SGIP1: variants seen among roughly 807,000 people sequenced by gnomAD.
SGIP1 encodes SH3GL interacting endocytic adaptor 1, also known as SH3-containing GRB2-like protein 3-interacting protein 1.
Under a neutral mutation model 107.5 loss-of-function variants are expected in SGIP1, and 38 were observed. The ratio of observed to expected loss-of-function variants is 0.35; its 90% confidence interval spans 0.27 to 0.46. The LOEUF is 0.46. SGIP1 is among the 20% of genes least tolerant of loss of function. The pLI is 1.00. For synonymous variants in SGIP1, 365 were observed against 366.1 expected (o/e 1.00, Z 0.03); for missense variants, 929 against 1,019.5 (o/e 0.91, Z 1.21).
At chr1:66,706,535 A>C (rs2092533428) in intron 18 of SGIP1, among the ~76,000 whole-genome samples, 1 of 150,110 alleles carries the variant, frequency 6.7e-6, no homozygotes, top group African/African-American at 2.4e-5. Flanking sequence ...TCTTTAATAA[A>C]TAAATGTAAA....
chr1:66,607,545 A>T (rs1299299943), intron 1 of SGIP1, among the ~76,000 whole-genome samples: 1 of 152,224 alleles, frequency 6.6e-6, no homozygotes, highest in Admixed American at 6.5e-5. Flanking sequence ...CTCTGTCACT[A>T]AAATAAAAAC....
chr1:66,633,733 G>T (rs1252573027), intron 3 of SGIP1, among the ~76,000 whole-genome samples: 2 of 151,974 alleles, frequency 1.3e-5, no homozygotes, highest in African/African-American at 4.8e-5. Flanking sequence ...AGTCTGCACC[G>T]ACTCCTAAAA....
At chr1:66,643,328 T>C (rs1288771154) in intron 6 of SGIP1, among the ~76,000 whole-genome samples, 1 of 152,186 alleles carries the variant, frequency 6.6e-6, no homozygotes, top group African/African-American at 2.4e-5. Context: ...AAATGTAGGA[T>C]ATTAGAACCA....
intron 18 of SGIP1, among the ~76,000 whole-genome samples, chr1:66,699,549 T>G (rs1326635085): frequency 1.3e-5 from 2 of 152,176 alleles, no homozygotes; most frequent in Admixed American, 6.5e-5. Flanking sequence ...TCCACACCTC[T>G]GGCCACATCC....
intron 7 of SGIP1, among the ~76,000 whole-genome samples, chr1:66,644,930 G>A (rs1437123865): frequency 6.6e-6 from 1 of 152,182 alleles, no homozygotes; most frequent in East Asian, 1.9e-4. Flanking sequence ...AATGGAAGGT[G>A]CAGATTTTAA....
chr1:66,750,467 G>A lies in SGIP1; in HGVS notation c.*7372G>A, dbSNP rs2094609206. 6.6e-6 allele frequency among the ~76,000 whole-genome samples: 1 copy of A among 152,092 alleles called. No homozygotes were observed. The highest frequency in any genetic ancestry group is 2.1e-4 in the South Asian group (1 of 4,820). ...AAAATGCTGTGTGTAATTTGATTTG[G>A]TGGTAGCCTTTATTTAGAGCTCTCT... On this transcript the variant is annotated 3_prime_UTR_variant, in exon 25 of 25. Coordinates refer to ENST00000371037, the MANE Select transcript of SGIP1 (RefSeq NM_032291.4).
intron 1 of SGIP1, among the ~76,000 whole-genome samples, chr1:66,587,494 G>C (rs1372693095): frequency 6.6e-6 from 1 of 151,872 alleles, no homozygotes; most frequent in South Asian, 2.1e-4. Flanking sequence ...ATATTATTCA[G>C]ATGAAATAAA....
At chr1:66,669,095 G>A (rs2083215494) in intron 9 of SGIP1, among the ~76,000 whole-genome samples, 1 of 152,150 alleles carries the variant, frequency 6.6e-6, no homozygotes, top group Admixed American at 6.5e-5. Context: ...TTTCTAAATT[G>A]ATACTAGCTT....
At chr1:66,554,439 T>C (rs1157063618) in intron 1 of SGIP1, among the ~76,000 whole-genome samples, 1 of 152,178 alleles carries the variant, frequency 6.6e-6, no homozygotes, top group Non-Finnish European at 1.5e-5. Flanking sequence ...TGGTATAACA[T>C]GATGAGCATC....
intron 1 of SGIP1, among the ~76,000 whole-genome samples, chr1:66,573,558 C>G (rs900898206): frequency 4.6e-5 from 7 of 152,126 alleles, no homozygotes; most frequent in Non-Finnish European, 7.3e-5. Flanking sequence ...TACATATACA[C>G]TATTGAATAC....
intron 2 of SGIP1, among the ~76,000 whole-genome samples, chr1:66,630,833 A>AAGAAAG (rs2074163940): frequency 8.8e-5 from 1 of 11,306 alleles, no homozygotes; most frequent in African/African-American, 3.9e-4. Context: ...GAAAGAAAGA[A>AAGAAAG]AGAAAGAAAG....
rs1286483075 is a variant in SGIP1 at position 66,729,396 on chromosome 1, G to C, written c.1875G>C (p.Leu625=). The part of the protein sequence containing the change: ...VINFSRLEHV[L]PNPQLLCCDN... ...ATTTCAGCAGGTTAGAACACGTCCT[G>C]CCAAACCCCCAACTTCTCTGCTGGT... The change falls in exon 20 of 25, where the codon CTG becomes CTC. Residue 625 remains leucine (L), a synonymous_variant. Coordinates refer to ENST00000371037, the MANE Select transcript of SGIP1 (RefSeq NM_032291.4). The C allele has an allele frequency of 6.2e-7, 1 of 1,614,022 alleles. No homozygotes were observed. The highest frequency in any genetic ancestry group is 1.7e-5 in the Admixed American group (1 of 60,002).
At chr1:66,664,553 A>G (rs891873182) in intron 8 of SGIP1, among the ~76,000 whole-genome samples, 3 of 152,166 alleles carry the variant, frequency 2.0e-5, no homozygotes, top group Non-Finnish European at 4.4e-5. Context: ...CTACCTGCCT[A>G]CTAGCTGTAT....
At chr1:66,736,231 AAATATAAATATTTATACAAATATTTT>A (rs2094230724) in intron 21 of SGIP1, among the ~76,000 whole-genome samples, 1 of 145,896 alleles carries the variant, frequency 6.9e-6, no homozygotes, top group African/African-American at 2.5e-5. Context: ...CAAATATTTT[AAATATAAATATTTATACAAATATTTT>A]AAATATAAAT....
At chr1:66,576,429 C>T (rs1316913510) in intron 1 of SGIP1, among the ~76,000 whole-genome samples, 2 of 152,168 alleles carry the variant, frequency 1.3e-5, no homozygotes, top group Non-Finnish European at 2.9e-5. Context: ...CTTTATGAAA[C>T]ATTTCAAGTC....
chr1:66,742,673 G>A (rs1172112115), intron 24 of SGIP1, among the ~76,000 whole-genome samples: 4 of 150,576 alleles, frequency 2.7e-5, no homozygotes, highest in Non-Finnish European at 5.9e-5. Context: ...GTTTCACCGT[G>A]TTAGCCAGGA....
At chr1:66,728,039 G>A (rs2093837594) in intron 19 of SGIP1, among the ~76,000 whole-genome samples, 2 of 151,774 alleles carry the variant, frequency 1.3e-5, no homozygotes, top group South Asian at 2.1e-4. Context: ...TCTTCATAAA[G>A]CCTTTTTTAA....
At chr1:66,611,097 G>A (rs2067908680) in intron 1 of SGIP1, among the ~76,000 whole-genome samples, 1 of 152,102 alleles carries the variant, frequency 6.6e-6, no homozygotes, top group Non-Finnish European at 1.5e-5. Flanking sequence ...ATTTATTCAT[G>A]TAATCAAACA....
intron 12 of SGIP1, 32 bp downstream of exon 12, chr1:66,673,398 T>C (rs2084336055): frequency 6.5e-7 from 1 of 1,544,778 alleles, no homozygotes; most frequent in African/African-American, 1.4e-5. Context: ...ATTATAGATT[T>C]GTTTTTTCTT....
Sources: allele counts gnomAD v4.1 joint callset (sites outside exome capture counted in the v4.1 genomes callset), GRCh38; gene constraint gnomAD v4.1.1; transcripts MANE v1.5; gene names NCBI Gene and HGNC (gene_info 2026-07-23, HGNC 2026-07-21).